The following CHST9 variants were observed in gnomAD, a reference collection of about 807,000 sequenced individuals.
CHST9 encodes the protein GalNAc-4-sulfotransferase 2.
In CHST9, 41 loss-of-function variants were observed where a neutral mutation model predicts 44.4. The ratio of observed to expected loss-of-function variants is 0.92; its 90% CI spans 0.72 to 1.20. The LOEUF is 1.20. CHST9 is among the 50% of genes most tolerant of loss of function. The pLI is 0.00. For missense variants in CHST9, 504 were observed against 516.5 expected (o/e 0.98, Z 0.23); for synonymous variants, 171 against 178.4 (o/e 0.96, Z 0.33).
rs1056960625 is a variant in CHST9, at chr18:27,019,500, A to C, written c.202+4616T>G. Among the ~76,000 whole-genome samples, 4 of 152,164 alleles carry C rather than the reference A, an allele frequency of 2.6e-5. No individual in the cohort carries two copies. The East Asian group carries it at 5.8e-4, about 22-fold the overall frequency. ...CTCTCCACTTACAAAATAGAGGAAA[A>C]GCATTTTCTTTCAGTTCCTGTAAAT... On this transcript the variant is annotated intron_variant, in intron 4 of 5. Transcript: ENST00000618847.
At chr18:26,986,907 T>C (rs2056760701) in intron 4 of CHST9, among the ~76,000 whole-genome samples, 1 of 151,992 alleles carries the variant, frequency 6.6e-6, no homozygotes, top group South Asian at 2.1e-4. Context: ...TATAGAAAAA[T>C]AAAAAGGATT....
In CHST9 at chr18:26,907,148, TG is replaced by T. The variant is rs1351960013; in HGVS notation, c.*9110del. The stretch of plus-strand genomic sequence containing the variant: ...TTGTAGACAGGAGAAGGTGAGAGTC[TG>T]AACTTAGATATTAGCAGAATGGATG... On this transcript the variant is annotated 3_prime_UTR_variant, in exon 6 of 6. Transcript: ENST00000618847. 1 of 152,412 alleles carries T rather than the reference TG, an allele frequency of 6.6e-6. No individual in the cohort carries two copies. The allele number at this position is 152,412 out of a possible 1,614,324, so 9.4% of individuals were successfully genotyped here. A position where few individuals can be genotyped will look rare whatever the true frequency, so the allele number is the denominator to read the frequency against.
Position 26,907,753 on chromosome 18 carries a change from T to G in CHST9, c.*8506A>C, listed in dbSNP as rs1598540159. The stretch of plus-strand genomic sequence containing the variant: ...TAGTGGGTTTGATGCAGCTATCAGG[T>G]GATTAAGCTGGGAATGGGTTATAGT... On this transcript the variant is annotated 3_prime_UTR_variant, in exon 6 of 6. Transcript: ENST00000618847. 1 of 153,110 alleles carries G rather than the reference T, an allele frequency of 6.5e-6. No individual in the cohort carries two copies. 9.5% of individuals were successfully genotyped at this position (153,110 alleles called of 1,614,324 possible). A position where few individuals can be genotyped will look rare whatever the true frequency, so the allele number is the denominator to read the frequency against.
At chr18:27,131,412 G>A (rs1042762747) in intron 2 of CHST9, among the ~76,000 whole-genome samples, 8 of 152,158 alleles carry the variant, frequency 5.3e-5, no homozygotes, top group South Asian at 2.1e-4. Flanking sequence ...TTAGCTGGGC[G>A]TGGTGGCGCA....
In CHST9 at chr18:26,916,852, T is replaced by G. The variant is rs1450817882; in HGVS notation, c.739A>C (p.Asn247His). Reference protein sequence around the residue: ...LASSAYNISHNAVHYGKHLKK... With the variant: ...LASSAYNISHHAVHYGKHLKK... ...AAATGCTTCCCGTAGTGGACAGCATTGTGGGAGATGTTGTATGCAGAGGAA... is the reference window on the plus strand; with the variant it reads ...AAATGCTTCCCGTAGTGGACAGCATGGTGGGAGATGTTGTATGCAGAGGAA... Residue 247 changes from asparagine (N) to histidine (H), a missense_variant, in exon 6 of 6, where the codon AAT (asparagine) becomes CAT (histidine). Coordinates refer to ENST00000618847, the MANE Select transcript of CHST9 (RefSeq NM_031422.6). 2 of 1,613,820 alleles carry G rather than the reference T, an allele frequency of 1.2e-6. No individual in the cohort carries two copies. Among genetic ancestry groups the G allele is most frequent in the Non-Finnish European group, 1.7e-6 (2 of 1,179,886 alleles).
chr18:27,093,824 G>T (rs1219027282), intron 2 of CHST9, among the ~76,000 whole-genome samples: 7 of 151,708 alleles, frequency 4.6e-5, no homozygotes, highest in African/African-American at 1.7e-4. Context: ...CATCTTCTGT[G>T]TCAATCACAC....
chr18:26,958,177 C>T (rs993665991), intron 4 of CHST9, among the ~76,000 whole-genome samples: 14 of 151,934 alleles, frequency 9.2e-5, no homozygotes, highest in African/African-American at 2.9e-4. Flanking sequence ...TGAGCCACTG[C>T]GCCTGATTCT....
At chr18:27,076,682 A>G (rs1270040037) in intron 2 of CHST9, among the ~76,000 whole-genome samples, 1 of 152,208 alleles carries the variant, frequency 6.6e-6, no homozygotes, top group African/African-American at 2.4e-5. Flanking sequence ...TTTCCTCTGC[A>G]TAACCTTGAG....
Position 26,916,743 on chromosome 18 carries a change from A to C in CHST9, c.848T>G (p.Met283Arg). Residue 283 changes from methionine to arginine, a missense_variant, in exon 6 of 6, where the codon ATG becomes AGG. By Grantham distance (91) the Met-to-Arg change is moderately conservative (BLOSUM62 -1). Transcript: ENST00000618847. ...YTKAVFVRDP[M>R]ERLVSAFRDK... ...CCTAAAGGCTGATACTAATCTTTCC[A>C]TGGGATCACGAACAAACACAGCTTT... is the stretch of plus-strand genomic sequence containing the variant. The C allele has an allele frequency of 6.2e-7, 1 of 1,613,932 alleles. No homozygotes were observed.
At position 26,914,443 on chromosome 18, in the gene CHST9, T is replaced by C. The variant is rs2055483903; in HGVS notation, c.*1816A>G. ...AAAGATAATTTCAATTTCCCTAAAT[T>C]ACTAGGAATCTACTCTACATGGTGC... is the stretch of plus-strand genomic sequence containing the variant. On this transcript the variant is annotated 3_prime_UTR_variant, in exon 6 of 6. Transcript: ENST00000618847. 2.0e-5 allele frequency: 3 copies of C among 152,616 alleles called. No homozygotes were observed. The highest frequency in any genetic ancestry group is 4.8e-5 in the African/African-American group (2 of 41,598). 9.5% of individuals were successfully genotyped at this position (152,616 alleles called of 1,614,324 possible).
At chr18:27,117,241 A>G (rs2143798278) in intron 2 of CHST9, among the ~76,000 whole-genome samples, 1 of 152,252 alleles carries the variant, frequency 6.6e-6, no homozygotes, top group Admixed American at 6.5e-5. Flanking sequence ...TACATTTTTT[A>G]AATTAATAAA....
intron 3 of CHST9, among the ~76,000 whole-genome samples, chr18:27,045,565 T>C (rs1436381961): frequency 1.3e-5 from 2 of 152,038 alleles, no homozygotes; most frequent in African/African-American, 4.8e-5. Context: ...CCTCCTCATA[T>C]GTATCCACTT....
chr18:26,967,609 T>C (rs1683420), intron 4 of CHST9, among the ~76,000 whole-genome samples: 3 of 152,250 alleles, frequency 2.0e-5, no homozygotes, highest in Admixed American at 6.5e-5. Context: ...TGTGTACTCA[T>C]GCAAGTATAT....
intron 2 of CHST9, among the ~76,000 whole-genome samples, chr18:27,061,563 G>A (rs2057722032): frequency 6.6e-6 from 1 of 152,102 alleles, no homozygotes; most frequent in African/African-American, 2.4e-5. Flanking sequence ...GAGTACCTGG[G>A]ATGCCAGAAT....
chr18:27,075,972 C>T (rs961716902), intron 2 of CHST9, among the ~76,000 whole-genome samples: 1 of 152,166 alleles, frequency 6.6e-6, no homozygotes, highest in African/African-American at 2.4e-5. Flanking sequence ...ATGTGAAGTG[C>T]ACAGAGCTGA....
intron 2 of CHST9, among the ~76,000 whole-genome samples, chr18:27,117,023 T>C (rs539427336): frequency 6.6e-6 from 1 of 152,096 alleles, no homozygotes; most frequent in Non-Finnish European, 1.5e-5. Flanking sequence ...CAAGAGATAG[T>C]TTCTCCTTTC....
chr18:26,975,059 G>T (rs914856034), intron 4 of CHST9, among the ~76,000 whole-genome samples: 3 of 152,198 alleles, frequency 2.0e-5, no homozygotes, highest in African/African-American at 4.8e-5. Flanking sequence ...GAGCTGTTAC[G>T]CGGCAGAGCT....
In CHST9 at chr18:27,099,794, G is replaced by A. The variant is rs570758998; in HGVS notation, c.121+42895C>T. ...GTCGGTGGGAAGGTAAATTAGTTCAGCCACTGTGGAAAGCTAATTCCTTTA... is the reference window on the plus strand; with the variant it reads ...GTCGGTGGGAAGGTAAATTAGTTCAACCACTGTGGAAAGCTAATTCCTTTA... On this transcript the variant is annotated intron_variant, in intron 2 of 5. Coordinates refer to ENST00000618847, the MANE Select transcript of CHST9 (RefSeq NM_031422.6). Among the ~76,000 whole-genome samples, 17 of 152,134 alleles carry A rather than the reference G, an allele frequency of 1.1e-4. No individual in the cohort carries two copies. In the South Asian group the frequency reaches 2.3e-3, roughly 20 times the overall value.
At chr18:27,138,406 T>A (rs748215879) in intron 2 of CHST9, among the ~76,000 whole-genome samples, 1 of 152,166 alleles carries the variant, frequency 6.6e-6, no homozygotes, top group Non-Finnish European at 1.5e-5. Flanking sequence ...CTCAATCCTA[T>A]CCTTCTCCTG....
Sources: allele counts gnomAD v4.1 joint callset (sites outside exome capture counted in the v4.1 genomes callset), GRCh38; gene constraint gnomAD v4.1.1; transcripts MANE v1.5; gene names NCBI Gene and HGNC (gene_info 2026-07-23, HGNC 2026-07-21).